Variants in ANK3 observed in about 807,000 individuals in gnomAD.
ANK3 encodes ankyrin 3, also known as ankyrin-3.
ANK3 carries 57 observed loss-of-function variants against 370.9 expected under a neutral mutation model. The ratio of observed to expected loss-of-function variants is 0.15; its 90% CI spans 0.12 to 0.19. The LOEUF (loss-of-function observed/expected upper bound fraction) is 0.19, where lower values mean the gene tolerates loss of function less well. Among genes scored for constraint, ANK3 ranks in the 10% least tolerant of loss-of-function variants. ANK3 has a pLI of 1.00. For missense variants in ANK3, 4,439 were observed against 5,302.1 expected, an observed-to-expected ratio of 0.84 and a Z score of 5.06; for synonymous variants, 1,929 against 1,946.3, an observed-to-expected ratio of 0.99 and a Z score of 0.23.
At chr10:60,358,796 A>T (rs1332640977) in intron 1 of ANK3, among the ~76,000 whole-genome samples, 1 of 152,166 alleles carries the variant, frequency 6.6e-6, no homozygotes, top group East Asian at 1.9e-4. Context: ...AGCTTAGATC[A>T]ATCCACAGGG....
At position 60,647,909 on chromosome 10, in the gene ANK3, G is replaced by A. The variant is rs758759189; in HGVS notation, c.58-32685C>T. On this transcript the variant is annotated intron_variant, in intron 1 of 43. Coordinates refer to the ANK3 transcript ENST00000373827. The stretch of plus-strand genomic sequence containing the variant: ...TGTCACCAGGCTGGAGTGCAGTGGC[G>A]CGATCTTGGCTCACTGCAACCTCTG... 6.0e-5 allele frequency among the ~76,000 whole-genome samples: 9 copies of A among 150,340 alleles called. No homozygotes were observed. The Middle Eastern group carries it at 0.01, about 173-fold the overall frequency.
At chr10:60,278,897 T>A (rs1451562781) in intron 3 of ANK3, 25 bp from the exon 4 acceptor site, 1 of 1,606,132 alleles carries the variant, frequency 6.2e-7, no homozygotes, top group Admixed American at 1.7e-5. Context: ...TCAAGATATA[T>A]CAACTCATCG....
At chr10:60,492,936 C>T (rs1180605114) in intron 2 of ANK3, among the ~76,000 whole-genome samples, 9 of 148,312 alleles carry the variant, frequency 6.1e-5, no homozygotes, top group African/African-American at 2.0e-4. Flanking sequence ...AAAAATTAGC[C>T]GGGTGTAGTG....
chr10:60,586,230 A>G (rs2133286590), intron 2 of ANK3, among the ~76,000 whole-genome samples: 1 of 152,316 alleles, frequency 6.6e-6, no homozygotes, highest in East Asian at 1.9e-4. Flanking sequence ...TGGATAAGAA[A>G]GAATTTTCCA....
chr10:60,213,466 C>T lies in ANK3; in HGVS notation c.942G>A (p.Glu314=), dbSNP rs201414456. The change falls in exon 9 of 44, where the codon GAG becomes GAA. Residue 314 remains glutamate (E), a synonymous_variant. Transcript: ENST00000280772. ...GATCAAGCAACATTTCTACCACCTG[C>T]TCGTGGCCACTCCTTGCTCCACAGT... ...PLHCGARSGH[E]QVVEMLLDRA... is the part of the protein sequence containing the mutation. 1 of 1,612,726 alleles carries T rather than the reference C, an allele frequency of 6.2e-7. No homozygotes were observed. Among genetic ancestry groups the T allele is most frequent in the African/African-American group, 1.3e-5 (1 of 74,974 alleles).
At chr10:60,382,823 ATATG>A (rs1566953193) in intron 1 of ANK3, among the ~76,000 whole-genome samples, 1 of 137,348 alleles carries the variant, frequency 7.3e-6, no homozygotes, top group Non-Finnish European at 1.6e-5. Flanking sequence ...ATATATATAT[ATATG>A]CCAATGCTTT....
At chr10:60,492,971 T>G (rs1447264491) in intron 2 of ANK3, among the ~76,000 whole-genome samples, 1 of 150,120 alleles carries the variant, frequency 6.7e-6, no homozygotes, top group African/African-American at 2.5e-5. Flanking sequence ...TCCCAGCTAC[T>G]TGGGAGGCTG....
At chr10:60,066,875 G>T (rs942233920) in intron 38 of ANK3, among the ~76,000 whole-genome samples, 1 of 152,126 alleles carries the variant, frequency 6.6e-6, no homozygotes, top group African/African-American at 2.4e-5. Flanking sequence ...TTACAATGCA[G>T]AATTGTCCAA....
At chr10:60,155,080 C>T (rs954764492) in intron 23 of ANK3, among the ~76,000 whole-genome samples, 1 of 152,070 alleles carries the variant, frequency 6.6e-6, no homozygotes, top group African/African-American at 2.4e-5. Context: ...AACTGAACAA[C>T]TATCAATGCA....
chr10:60,649,017 A>G (rs970276352), intron 1 of ANK3, among the ~76,000 whole-genome samples: 2 of 152,108 alleles, frequency 1.3e-5, no homozygotes, highest in Non-Finnish European at 2.9e-5. Context: ...TCTTGGTTCC[A>G]TGCATCAGCG....
upstream of ANK3, among the ~76,000 whole-genome samples, chr10:60,391,607 T>C (rs991727620): frequency 6.6e-6 from 1 of 152,224 alleles, no homozygotes; most frequent in Admixed American, 6.5e-5. Context: ...CTGGCGTCTT[T>C]CCCACTGGCT....
chr10:60,403,780 C>T (rs1222979340), intron 2 of ANK3, among the ~76,000 whole-genome samples: 5 of 151,998 alleles, frequency 3.3e-5, no homozygotes, highest in Non-Finnish European at 7.4e-5. Context: ...AAAAGAGAGC[C>T]ACAAGATTGG....
chr10:60,055,668 G>A lies in ANK3; in HGVS notation c.13055C>T (p.Ser4352Phe). The A allele has an allele frequency of 6.2e-7, 1 of 1,608,642 alleles. No homozygotes were observed. The highest frequency in any genetic ancestry group is 2.2e-5 in the East Asian group (1 of 44,848). Residue 4352 changes from serine (S) to phenylalanine (F), a missense_variant, in exon 42 of 44, where the codon TCT becomes TTT. Coordinates refer to ENST00000280772, the MANE Select transcript of ANK3 (RefSeq NM_020987.5). ...GACCAGATGACGTACCTTTTGCTCAGACCCACTGGACCCCTCTTCTTCATG... is the reference window on the plus strand; with the variant it reads ...GACCAGATGACGTACCTTTTGCTCAAACCCACTGGACCCCTCTTCTTCATG... ...SLHEEEGSSG[S>F]EQKQGEGFKV...
At chr10:60,294,064 T>G (rs2042017033) in intron 1 of ANK3, among the ~76,000 whole-genome samples, 1 of 152,204 alleles carries the variant, frequency 6.6e-6, no homozygotes, top group African/African-American at 2.4e-5. Context: ...CTATTCACAT[T>G]TTATATATAG....
At position 60,186,984 on chromosome 10, in the gene ANK3, T is replaced by C. The variant is rs1479575383; in HGVS notation, c.1888-72A>G. 4.3e-6 allele frequency: 6 copies of C among 1,399,830 alleles called. No individual in the cohort carries two copies. The African/African-American group carries it at 8.5e-5, about 20-fold the overall frequency. The allele number at this position is 1,399,830 out of a possible 1,614,324, so 86.7% of individuals were successfully genotyped here. A position where few individuals can be genotyped will look rare whatever the true frequency, so the allele number is the denominator to read the frequency against. ...ATGTGCACAGTGCATTTTCAAATAG[T>C]TTATGTCTCTTTCTAGTGGTTTTCT... On this transcript the variant is annotated intron_variant, in intron 16 of 43. Transcript: ENST00000280772.
intron 1 of ANK3, among the ~76,000 whole-genome samples, chr10:60,628,755 G>T (rs1034504097): frequency 6.6e-6 from 1 of 152,036 alleles, no homozygotes; most frequent in Non-Finnish European, 1.5e-5. Context: ...AAAAAAAATC[G>T]TTAATATACA....
At chr10:60,467,222 C>T (rs1572843) in intron 2 of ANK3, among the ~76,000 whole-genome samples, 114,306 of 152,084 alleles carry the variant, frequency 0.75, 42,981 homozygotes, top group South Asian at 0.88. Flanking sequence ...CTTACTACCC[C>T]TATGAAACAG....
chr10:60,638,174 G>A (rs1465167594), intron 1 of ANK3, among the ~76,000 whole-genome samples: 1 of 152,206 alleles, frequency 6.6e-6, no homozygotes, highest in African/African-American at 2.4e-5. Context: ...GAAACTCCAT[G>A]AGGTAGAAGA....
intron 2 of ANK3, among the ~76,000 whole-genome samples, chr10:60,471,594 T>C (rs2065220656): frequency 6.6e-6 from 1 of 152,164 alleles, no homozygotes; most frequent in African/African-American, 2.4e-5. Context: ...GGATATCTAC[T>C]GGATACATTC....
Sources: gnomAD v4.1 joint callset for allele counts (sites outside exome capture counted in the v4.1 genomes callset) on GRCh38, gnomAD v4.1.1 for gene constraint, MANE v1.5 for transcripts, NCBI Gene and HGNC (gene_info 2026-07-23, HGNC 2026-07-21) for gene names.